The following MGAT4D variants were observed in gnomAD, a reference collection of about 807,000 sequenced individuals.
MGAT4D encodes alpha-1,3-mannosyl-glycoprotein 4-beta-N-acetylglucosaminyltransferase-like protein MGAT4D.
Under a neutral mutation model 15.9 loss-of-function variants are expected in MGAT4D, and 34 were observed. That is an observed-to-expected ratio of 2.14 (90% confidence interval 1.62 to 2.84). The LOEUF is 2.84. Among genes scored for constraint, MGAT4D ranks in the 30% most tolerant of loss-of-function variants. The pLI is 0.00. For missense variants in MGAT4D, 327 were observed against 140.2 expected (o/e 2.33, Z -6.73); for synonymous variants, 112 against 48.2 (o/e 2.33, Z -5.49).
At chr4:140,493,473 T>A (rs1282397049) in intron 1 of MGAT4D, among the ~76,000 whole-genome samples, 1 of 151,868 alleles carries the variant, frequency 6.6e-6, no homozygotes, top group Admixed American at 6.6e-5. Context: ...TTTTTTGTAT[T>A]TTTAGTAGAG....
At chr4:140,443,481 ATATAT>A in intron 10 of MGAT4D, 37 bp from the exon 11 acceptor site, 2 of 509,798 alleles carry the variant, frequency 3.9e-6, no homozygotes, top group East Asian at 3.7e-5. Flanking sequence ...TCTAGAAATA[ATATAT>A]TAATTCATAA....
chr4:140,445,220 T>A (rs1404410008), intron 10 of MGAT4D, among the ~76,000 whole-genome samples: 1 of 152,204 alleles, frequency 6.6e-6, no homozygotes, highest in Non-Finnish European at 1.5e-5. Flanking sequence ...CCATTCTGAC[T>A]GGTGTGAGAT....
chr4:140,480,767 A>G (rs1271616084), intron 2 of MGAT4D, among the ~76,000 whole-genome samples: 1 of 149,392 alleles, frequency 6.7e-6, no homozygotes, highest in Non-Finnish European at 1.5e-5. Flanking sequence ...ACACACACAC[A>G]CACACACACA....
chr4:140,497,239 C>G (rs150432286), intron 1 of MGAT4D, among the ~76,000 whole-genome samples: 1 of 151,932 alleles, frequency 6.6e-6, no homozygotes, highest in Non-Finnish European at 1.5e-5. Flanking sequence ...TAAGAGCAAT[C>G]GTGGAAGGCT....
chr4:140,448,019 G>A (rs1730242837), intron 10 of MGAT4D, among the ~76,000 whole-genome samples: 1 of 152,190 alleles, frequency 6.6e-6, no homozygotes, highest in Non-Finnish European at 1.5e-5. Context: ...CTTTTAGAAT[G>A]TTGAATATAG....
chr4:140,444,657 T>A (rs560038330), intron 10 of MGAT4D, among the ~76,000 whole-genome samples: 8 of 152,218 alleles, frequency 5.3e-5, no homozygotes, highest in Non-Finnish European at 1.2e-4. Flanking sequence ...GTCTTTGCTA[T>A]TGTGAATAGA....
chr4:140,473,008 A>G (rs1436596777), intron 4 of MGAT4D, among the ~76,000 whole-genome samples: 1 of 152,190 alleles, frequency 6.6e-6, no homozygotes, highest in Middle Eastern at 3.2e-3. Flanking sequence ...AATAAAGAAA[A>G]GATAATAAAG....
chr4:140,471,614 A>C (rs2126780430), intron 5 of MGAT4D, among the ~76,000 whole-genome samples, 161 bp downstream of exon 5: 1 of 152,326 alleles, frequency 6.6e-6, no homozygotes, highest in Admixed American at 6.5e-5. Context: ...CCATTAAGCC[A>C]TACTTCATCA....
intron 6 of MGAT4D, among the ~76,000 whole-genome samples, chr4:140,464,155 T>C (rs1181455282): frequency 6.6e-6 from 1 of 152,242 alleles, no homozygotes; most frequent in Admixed American, 6.5e-5. Context: ...AAAAGATTCC[T>C]AGATTCTGAC....
chr4:140,463,793 T>C (rs1731349993), intron 6 of MGAT4D, among the ~76,000 whole-genome samples: 1 of 152,212 alleles, frequency 6.6e-6, no homozygotes, highest in East Asian at 1.9e-4. Flanking sequence ...AGGAAGTTAA[T>C]GATTGCAAGG....
intron 1 of MGAT4D, among the ~76,000 whole-genome samples, chr4:140,495,805 C>T (rs534728472): frequency 2.6e-5 from 4 of 152,252 alleles, no homozygotes; most frequent in Admixed American, 2.6e-4. Flanking sequence ...GGCGTGATCT[C>T]GGCTCACTGC....
chr4:140,480,481 A>G (rs1732629574), intron 2 of MGAT4D, among the ~76,000 whole-genome samples: 1 of 152,134 alleles, frequency 6.6e-6, no homozygotes, highest in Non-Finnish European at 1.5e-5. Flanking sequence ...ATAAAAGAAA[A>G]ATTCACAAAT....
chr4:140,485,114 C>A lies in MGAT4D; in HGVS notation c.95-2629G>T, dbSNP rs571241580. On this transcript the variant is annotated intron_variant, in intron 1 of 10. Coordinates refer to ENST00000511113, the MANE Select transcript of MGAT4D (RefSeq NM_001277353.2). ...GACACATGCACACGTATGTTTACTG[C>A]GGCACTATTCACAATAGCAAAGACT... Among the ~76,000 whole-genome samples, 8 of 152,206 alleles carry A rather than the reference C, an allele frequency of 5.3e-5. No individual in the cohort carries two copies. In the East Asian group the frequency reaches 1.2e-3, roughly 22 times the overall value.
chr4:140,489,776 TA>T, intron 1 of MGAT4D, among the ~76,000 whole-genome samples: 1 of 152,358 alleles, frequency 6.6e-6, no homozygotes, highest in East Asian at 1.9e-4. Flanking sequence ...GTAACAATTA[TA>T]AGAAATGCTA....
At chr4:140,472,148 G>A (rs574609139) in intron 4 of MGAT4D, among the ~76,000 whole-genome samples, 1 of 151,918 alleles carries the variant, frequency 6.6e-6, no homozygotes, top group African/African-American at 2.4e-5. Context: ...GTCTAAAAAT[G>A]GTCATCTGTG....
intron 4 of MGAT4D, among the ~76,000 whole-genome samples, chr4:140,474,008 A>G (rs542068646): frequency 6.6e-6 from 1 of 152,056 alleles, no homozygotes; most frequent in South Asian, 2.1e-4. Flanking sequence ...CACCATTTTT[A>G]CTGTTTTTAT....
intron 9 of MGAT4D, among the ~76,000 whole-genome samples, chr4:140,455,765 C>T (rs969479296): frequency 1.1e-4 from 17 of 152,108 alleles, no homozygotes; most frequent in African/African-American, 3.4e-4. Context: ...GGTAAATTAA[C>T]CCTTTTATTA....
At position 140,456,546 on chromosome 4, in the gene MGAT4D, T is replaced by C. The variant is rs746083304; in HGVS notation, c.1008+43A>G. On this transcript the variant is annotated intron_variant, in intron 9 of 10. Transcript: ENST00000511113. ...TTAGGTAATTACGTTGGATAGATAA[T>C]ATTTTTCCTAAAATATTTGGTATTC... is the stretch of plus-strand genomic sequence containing the variant. The C allele has an allele frequency of 3.2e-5, 18 of 561,900 alleles. No individual in the cohort carries two copies. The African/African-American group carries it at 3.5e-4, about 11-fold the overall frequency. The allele number at this position is 561,900 out of a possible 1,614,324, so 34.8% of individuals were successfully genotyped here.
At chr4:140,480,866 G>T (rs1318367949) in intron 2 of MGAT4D, among the ~76,000 whole-genome samples, 4 of 152,104 alleles carry the variant, frequency 2.6e-5, no homozygotes, top group Non-Finnish European at 4.4e-5. Flanking sequence ...AGCTCAGGAG[G>T]TGGAGGCTGC....
Sources: allele counts gnomAD v4.1 joint callset (sites outside exome capture counted in the v4.1 genomes callset), GRCh38; gene constraint gnomAD v4.1.1; transcripts MANE v1.5; gene names NCBI Gene and HGNC (gene_info 2026-07-23, HGNC 2026-07-21).